PAQR8: variants seen among roughly 807,000 people sequenced by gnomAD.
The protein encoded by PAQR8 is membrane progestin receptor beta.
PAQR8 carries 17 observed loss-of-function variants against 25.2 expected under a neutral mutation model. That is an observed-to-expected ratio of 0.67 (90% CI 0.46 to 1.01). PAQR8 has a LOEUF of 1.01. PAQR8 is among the 50% of genes least tolerant of loss of function. The pLI, the probability that PAQR8 is intolerant of heterozygous loss-of-function variation, is 0.00. For missense variants in PAQR8, 392 were observed against 448.4 expected, an observed-to-expected ratio of 0.87 and a Z score of 1.14; for synonymous variants, 204 against 190.6, an observed-to-expected ratio of 1.07 and a Z score of -0.58.
At position 52,405,344 on chromosome 6, in the gene PAQR8, C is replaced by G. The variant is rs559415877; in HGVS notation, c.*1066C>G. 1.8e-5 allele frequency: 3 copies of G among 167,226 alleles called. No individual in the cohort carries two copies. In the South Asian group the frequency reaches 6.2e-4, roughly 35 times the overall value. 10.4% of individuals were successfully genotyped at this position (167,226 alleles called of 1,614,324 possible). ...CACAAAACTAACCTAGTTCAGGGTT[C>G]TCAGGCAGGCAGTTCTGCTTCAGCT... On this transcript the variant is annotated 3_prime_UTR_variant, in exon 2 of 2. Transcript: ENST00000442253.
At chr6:52,401,062 C>T (rs1402331485) in intron 1 of PAQR8, among the ~76,000 whole-genome samples, 1 of 152,192 alleles carries the variant, frequency 6.6e-6, no homozygotes, top group African/African-American at 2.4e-5. Flanking sequence ...TGAGAGAATT[C>T]TATAACTTGC....
intron 1 of PAQR8, among the ~76,000 whole-genome samples, chr6:52,371,310 C>G (rs1763416852): frequency 6.6e-6 from 1 of 152,138 alleles, no homozygotes; most frequent in South Asian, 2.1e-4. Flanking sequence ...CAGTGACCCT[C>G]TCAACAATAT....
At chr6:52,369,335 T>G (rs1763390721) in intron 1 of PAQR8, among the ~76,000 whole-genome samples, 1 of 152,166 alleles carries the variant, frequency 6.6e-6, no homozygotes, top group Admixed American at 6.5e-5. Context: ...AAGAGCTTTT[T>G]GTTGATTTTG....
Position 52,406,868 on chromosome 6 carries a change from AC to A in PAQR8, c.*2591del, listed in dbSNP as rs1215555049. The A allele has an allele frequency of 3.7e-6, 1 of 268,508 alleles. No individual in the cohort carries two copies. The highest frequency in any genetic ancestry group is 7.4e-6 in the Non-Finnish European group (1 of 135,740). 16.6% of individuals were successfully genotyped at this position (268,508 alleles called of 1,614,324 possible). ...ATTAGCCATCACGCCTGCCCTAGAAACAGTTTTTTAATAGGAGATATTTGAG... is the reference window on the plus strand; with the variant it reads ...ATTAGCCATCACGCCTGCCCTAGAAAAGTTTTTTAATAGGAGATATTTGAG... On this transcript the variant is annotated 3_prime_UTR_variant, in exon 2 of 2. Coordinates refer to ENST00000442253, the MANE Select transcript of PAQR8 (RefSeq NM_133367.5).
chr6:52,365,702 C>A (rs1173304587), intron 1 of PAQR8, among the ~76,000 whole-genome samples: 3 of 152,112 alleles, frequency 2.0e-5, no homozygotes, highest in African/African-American at 7.2e-5. Flanking sequence ...TTTTGCCCTC[C>A]TGGTCTTTTA....
At chr6:52,376,760 T>C (rs1319905279) in intron 1 of PAQR8, among the ~76,000 whole-genome samples, 2 of 152,248 alleles carry the variant, frequency 1.3e-5, no homozygotes, top group Admixed American at 6.5e-5. Context: ...TGCATCTTTT[T>C]GGATGTCATA....
In PAQR8 at chr6:52,367,741, G is replaced by A. The variant is rs370364739; in HGVS notation, c.-53+5492G>A. On this transcript the variant is annotated intron_variant, in intron 1 of 1. Coordinates refer to ENST00000442253, the MANE Select transcript of PAQR8 (RefSeq NM_133367.5). ...CCCCAGACTTGTGTAGAGGAAAGATGAGGATGGAGGAGCTTTCTGTTCCAT... is the reference window on the plus strand; with the variant it reads ...CCCCAGACTTGTGTAGAGGAAAGATAAGGATGGAGGAGCTTTCTGTTCCAT... Among the ~76,000 whole-genome samples the A allele has an allele frequency of 6.6e-5, 10 of 152,308 alleles. No individual in the cohort carries two copies. The South Asian group carries it at 2.1e-3, about 32-fold the overall frequency.
chr6:52,369,601 A>G (rs1173778320), intron 1 of PAQR8, among the ~76,000 whole-genome samples: 1 of 152,192 alleles, frequency 6.6e-6, no homozygotes, highest in Non-Finnish European at 1.5e-5. Flanking sequence ...ATGGACATAA[A>G]ATATACATAC....
Position 52,404,779 on chromosome 6 carries a change from A to G in PAQR8, c.*501A>G, listed in dbSNP as rs183323842. ...CCAGAGTGGAAAAGCCTTCAAGATG[A>G]CATGATGAATTACTCAGTTCATCTG... On this transcript the variant is annotated 3_prime_UTR_variant, in exon 2 of 2. Transcript: ENST00000442253. 5.8e-6 allele frequency: 1 copy of G among 172,492 alleles called. No homozygotes were observed. The highest frequency in any genetic ancestry group is 6.0e-5 in the Admixed American group (1 of 16,638). 10.7% of individuals were successfully genotyped at this position (172,492 alleles called of 1,614,324 possible). A position where few individuals can be genotyped will look rare whatever the true frequency, so the allele number is the denominator to read the frequency against.
rs1418188013 is a variant in PAQR8 at position 52,404,521 on chromosome 6, A to G, written c.*243A>G. ...ACAGGAAGGGAAGGGATCTTGACTA[A>G]GATTCATGAGACATTGAATTAAGGA... On this transcript the variant is annotated 3_prime_UTR_variant, in exon 2 of 2. Transcript: ENST00000442253. 2 of 413,692 alleles carry G rather than the reference A, an allele frequency of 4.8e-6. No homozygotes were observed. Among genetic ancestry groups the G allele is most frequent in the South Asian group, 5.1e-5 (1 of 19,596 alleles). The allele number at this position is 413,692 out of a possible 1,614,324, so 25.6% of individuals were successfully genotyped here. A position where few individuals can be genotyped will look rare whatever the true frequency, so the allele number is the denominator to read the frequency against.
chr6:52,383,517 C>G (rs973105228), intron 1 of PAQR8, among the ~76,000 whole-genome samples: 1 of 151,768 alleles, frequency 6.6e-6, no homozygotes, highest in African/African-American at 2.4e-5. Flanking sequence ...AAAAATTAGC[C>G]GGGCGTGGTG....
chr6:52,373,776 A>G (rs1261083096), intron 1 of PAQR8: 1 of 151,354 alleles, frequency 6.6e-6, no homozygotes, highest in Non-Finnish European at 1.5e-5. Flanking sequence ...CACTTGGTCC[A>G]TAACAGCATT....
chr6:52,364,093 T>G (rs1276684115), intron 1 of PAQR8, among the ~76,000 whole-genome samples: 1 of 144,976 alleles, frequency 6.9e-6, no homozygotes, highest in Non-Finnish European at 1.5e-5. Context: ...GTTTTTTTTT[T>G]TTTTTTTTTT....
chr6:52,369,157 A>G lies in PAQR8; in HGVS notation c.-53+6908A>G, dbSNP rs193073812. 1.8e-4 allele frequency among the ~76,000 whole-genome samples: 28 copies of G among 152,340 alleles called. No homozygotes were observed. In the East Asian group the frequency reaches 5.4e-3, roughly 29 times the overall value. On this transcript the variant is annotated intron_variant, in intron 1 of 1. Coordinates refer to ENST00000442253, the MANE Select transcript of PAQR8 (RefSeq NM_133367.5). ...TAATAATTATGATAAATGTTAATAT[A>G]CAATGGAGGTAATAGGTGACTTCAA... is the stretch of plus-strand genomic sequence containing the variant.
chr6:52,394,760 A>G (rs1199605172), intron 1 of PAQR8, among the ~76,000 whole-genome samples: 1 of 152,224 alleles, frequency 6.6e-6, no homozygotes, highest in East Asian at 1.9e-4. Context: ...GACGTTTTCA[A>G]CTTAACAATG....
intron 1 of PAQR8, among the ~76,000 whole-genome samples, chr6:52,398,707 C>A (rs1763797285): frequency 6.6e-6 from 1 of 152,108 alleles, no homozygotes; most frequent in South Asian, 2.1e-4. Context: ...GCACCGGCCA[C>A]CATGCCCAGC....
In PAQR8 at chr6:52,403,411, C is replaced by T. The variant is rs1239477533; in HGVS notation, c.198C>T (p.Phe66=). ...RPTGHEWRYY[F]FSLFQKHNEV... is the part of the protein sequence containing the mutation. ...CGGGGCACGAGTGGCGCTACTACTT[C>T]TTCAGCCTCTTTCAGAAACACAACG... The change falls in exon 2 of 2, where the codon TTC becomes TTT. Residue 66 remains phenylalanine (F), a synonymous_variant. Coordinates refer to ENST00000442253, the MANE Select transcript of PAQR8 (RefSeq NM_133367.5). 2.5e-6 allele frequency: 4 copies of T among 1,614,162 alleles called. No individual in the cohort carries two copies. The highest frequency in any genetic ancestry group is 3.4e-6 in the Non-Finnish European group (4 of 1,180,060).
intron 1 of PAQR8, among the ~76,000 whole-genome samples, chr6:52,402,617 C>CGAAAAAAA (rs1763847584): frequency 8.6e-6 from 1 of 115,890 alleles, no homozygotes; most frequent in Non-Finnish European, 1.7e-5. Context: ...AACTCTGTCT[C>CGAAAAAAA]AAAAAAAAAA....
chr6:52,367,024 G>A (rs11751642), intron 1 of PAQR8, among the ~76,000 whole-genome samples: 12,638 of 152,188 alleles, frequency 0.083, 583 homozygotes, highest in South Asian at 0.16. Context: ...GATTACAGGC[G>A]TAAACCACTG....
Sources: gnomAD v4.1 joint callset for allele counts (sites outside exome capture counted in the v4.1 genomes callset) on GRCh38, gnomAD v4.1.1 for gene constraint, MANE v1.5 for transcripts, NCBI Gene and HGNC (gene_info 2026-07-23, HGNC 2026-07-21) for gene names.